The following NFIL3 variants were observed in gnomAD, a reference collection of about 807,000 sequenced individuals.
NFIL3 encodes the protein nuclear factor, interleukin 3 regulated, also known as nuclear factor interleukin-3-regulated protein.
Under a neutral mutation model 10.0 loss-of-function variants are expected in NFIL3, and 5 were observed. That is an observed-to-expected ratio of 0.50 (90% CI 0.26 to 1.06). The LOEUF is 1.06. Ranked by LOEUF, NFIL3 falls within the 50% of genes least tolerant of loss-of-function variation. The pLI is 0.13. For missense variants in NFIL3, 436 were observed against 547.6 expected, an observed-to-expected ratio of 0.80 and a Z score of 2.03; for synonymous variants, 202 against 206.5, an observed-to-expected ratio of 0.98 and a Z score of 0.19.
upstream of NFIL3, chr9:91,423,888 G>C (rs1005220425): frequency 6.9e-6 from 1 of 144,458 alleles, no homozygotes; most frequent in African/African-American, 2.5e-5. Flanking sequence ...CCGCGTGACT[G>C]GCGGCCGCGG....
the NFIL3 span, among the ~76,000 whole-genome samples, chr9:91,443,904 C>T: frequency 6.6e-6 from 1 of 152,194 alleles, no homozygotes; most frequent in Non-Finnish European, 1.5e-5. Flanking sequence ...TATAATGTAC[C>T]CCAGAGAGGA....
chr9:91,481,134 C>T, the NFIL3 span, among the ~76,000 whole-genome samples: 2 of 152,180 alleles, frequency 1.3e-5, no homozygotes, highest in African/African-American at 4.8e-5. Context: ...ACTCCTTCAG[C>T]TAACAACGAT....
the NFIL3 span, among the ~76,000 whole-genome samples, chr9:91,470,769 C>T: frequency 1.4e-3 from 206 of 152,220 alleles, no homozygotes; most frequent in African/African-American, 4.0e-3. Flanking sequence ...GTCTTCATTT[C>T]GTTATTTACC....
chr9:91,420,615 T>C (rs1002356319), intron 1 of NFIL3, among the ~76,000 whole-genome samples: 11 of 152,130 alleles, frequency 7.2e-5, no homozygotes, highest in Admixed American at 3.3e-4. Flanking sequence ...CTACTGCCTG[T>C]AACAGGAGGG....
chr9:91,470,434 T>C, the NFIL3 span, among the ~76,000 whole-genome samples: 2 of 138,048 alleles, frequency 1.4e-5, no homozygotes, highest in Non-Finnish European at 1.5e-5. Context: ...GTCTTGCTAG[T>C]GGTGTATCAA....
At chr9:91,457,719 T>A in the NFIL3 span, among the ~76,000 whole-genome samples, 1 of 152,090 alleles carries the variant, frequency 6.6e-6, no homozygotes, top group Non-Finnish European at 1.5e-5. Flanking sequence ...TCTAGTACAA[T>A]GTTGAAAACA....
chr9:91,434,568 TTTAA>T, the NFIL3 span, among the ~76,000 whole-genome samples: 1 of 152,144 alleles, frequency 6.6e-6, no homozygotes, highest in Non-Finnish European at 1.5e-5. Flanking sequence ...GATAAATATA[TTTAA>T]TTAACCGTGA....
At chr9:91,467,869 TC>T in the NFIL3 span, among the ~76,000 whole-genome samples, 26 of 152,332 alleles carry the variant, frequency 1.7e-4, 1 homozygote, top group African/African-American at 6.0e-4. Context: ...CATGAACTCA[TC>T]CTTTTTTATG....
At chr9:91,422,469 A>G (rs1168119551) in intron 1 of NFIL3, among the ~76,000 whole-genome samples, 1 of 402 alleles carries the variant, frequency 2.5e-3, no homozygotes, top group African/African-American at 0.026. Context: ...TCCTTAAGGA[A>G]AAAAAAAAAA....
the NFIL3 span, among the ~76,000 whole-genome samples, chr9:91,449,799 T>C: frequency 6.6e-6 from 1 of 152,132 alleles, no homozygotes; most frequent in Non-Finnish European, 1.5e-5. Context: ...TTTGAATGTT[T>C]GGTAGAATTT....
chr9:91,448,362 C>A, the NFIL3 span, among the ~76,000 whole-genome samples: 14 of 152,052 alleles, frequency 9.2e-5, no homozygotes, highest in Admixed American at 3.3e-4. Flanking sequence ...AAAGCAGAAG[C>A]GGAGTACGTG....
At chr9:91,448,733 TC>T in the NFIL3 span, among the ~76,000 whole-genome samples, 1 of 150,596 alleles carries the variant, frequency 6.6e-6, no homozygotes, top group African/African-American at 2.5e-5. Flanking sequence ...CCCTTGAAAT[TC>T]CATATGAAGT....
At chr9:91,434,843 C>T in the NFIL3 span, among the ~76,000 whole-genome samples, 6 of 152,004 alleles carry the variant, frequency 3.9e-5, no homozygotes, top group Admixed American at 2.0e-4. Context: ...TTAAAGCTAT[C>T]GCAATTAAAA....
At chr9:91,461,173 C>T in the NFIL3 span, among the ~76,000 whole-genome samples, 1 of 152,166 alleles carries the variant, frequency 6.6e-6, no homozygotes, top group East Asian at 1.9e-4. Flanking sequence ...GTTTGTAGAG[C>T]CAACCAACCC....
the NFIL3 span, among the ~76,000 whole-genome samples, chr9:91,458,664 C>A: frequency 6.6e-6 from 1 of 151,946 alleles, no homozygotes; most frequent in Non-Finnish European, 1.5e-5. Flanking sequence ...TATATATTTA[C>A]CTACCTAGTT....
the NFIL3 span, among the ~76,000 whole-genome samples, chr9:91,461,514 T>G: frequency 2.0e-5 from 3 of 151,994 alleles, no homozygotes; most frequent in Admixed American, 2.0e-4. Flanking sequence ...GATCTGGAGG[T>G]CAGAAGTCTG....
the NFIL3 span, among the ~76,000 whole-genome samples, chr9:91,463,961 G>A: frequency 6.6e-6 from 1 of 151,982 alleles, no homozygotes; most frequent in Non-Finnish European, 1.5e-5. Context: ...AAATAGAACT[G>A]TTCCAGCTTT....
the NFIL3 span, among the ~76,000 whole-genome samples, chr9:91,483,255 G>A: frequency 6.6e-6 from 1 of 152,198 alleles, no homozygotes. Context: ...GCCAGCCTGT[G>A]ACAGCTTTGC....
At chr9:91,444,204 G>T in the NFIL3 span, among the ~76,000 whole-genome samples, 1 of 151,656 alleles carries the variant, frequency 6.6e-6, no homozygotes, top group African/African-American at 2.4e-5. Flanking sequence ...GATCTAGTCT[G>T]CTGTTGAAGC....
Sources: allele counts gnomAD v4.1 joint callset (sites outside exome capture counted in the v4.1 genomes callset), GRCh38; gene constraint gnomAD v4.1.1; transcripts MANE v1.5; gene names NCBI Gene and HGNC (gene_info 2026-07-23, HGNC 2026-07-21).